C8orf34: variants seen among roughly 807,000 people sequenced by gnomAD.
C8orf34 encodes uncharacterized protein C8orf34.
C8orf34 carries 65 observed loss-of-function variants against 68.3 expected under a neutral mutation model. The ratio of observed to expected loss-of-function variants is 0.95; its 90% CI spans 0.78 to 1.17. The LOEUF (loss-of-function observed/expected upper bound fraction) is 1.17. Ranked by LOEUF, C8orf34 falls within the 50% of genes most tolerant of loss-of-function variation. C8orf34 has a pLI of 0.00. For missense variants in C8orf34, 664 were observed against 655.4 expected (o/e 1.01, Z -0.14); for synonymous variants, 244 against 241.2 (o/e 1.01, Z -0.11).
chr8:68,417,820 A>G (rs1453592987), intron 1 of C8orf34, among the ~76,000 whole-genome samples: 6 of 152,108 alleles, frequency 3.9e-5, no homozygotes, highest in East Asian at 1.9e-4. Context: ...GTTTTTTCCA[A>G]TTCTGTGAAG....
intron 7 of C8orf34, among the ~76,000 whole-genome samples, chr8:68,540,157 C>T (rs114916294): frequency 2.4e-3 from 360 of 151,528 alleles, no homozygotes; most frequent in African/African-American, 7.7e-3. Flanking sequence ...TGCTCTGAAA[C>T]TATTAAATAG....
At chr8:68,640,318 TTCTCCTTAA>T in intron 7 of C8orf34, 49 bp from the exon 8 acceptor site, 1 of 1,531,612 alleles carries the variant, frequency 6.5e-7, no homozygotes, top group African/African-American at 1.4e-5. Flanking sequence ...ATATGAATTT[TTCTCCTTAA>T]TTCCACTAGA....
intron 10 of C8orf34, among the ~76,000 whole-genome samples, chr8:68,769,517 T>G (rs1823279772): frequency 6.6e-6 from 1 of 152,120 alleles, no homozygotes; most frequent in Admixed American, 6.6e-5. Flanking sequence ...TTCATGTGTA[T>G]TTTTCTCAGC....
intron 7 of C8orf34, among the ~76,000 whole-genome samples, chr8:68,583,682 C>G (rs1325346822): frequency 6.6e-6 from 1 of 152,076 alleles, no homozygotes; most frequent in Non-Finnish European, 1.5e-5. Flanking sequence ...CTCATGTCAT[C>G]AACAGCTGTG....
rs551397587 is a variant in C8orf34, at chr8:68,536,227, TTA to T, written c.1105+3082_1105+3083del. On this transcript the variant is annotated intron_variant, in intron 7 of 13. Coordinates refer to ENST00000518698, the MANE Select transcript of C8orf34 (RefSeq NM_052958.4). ...GAAACCTCGTCTCTACAAAAAATAC[TTA>T]TATTAGTCAAGTGTGGTTGCATGCA... Among the ~76,000 whole-genome samples the T allele has an allele frequency of 2.0e-3, 309 of 150,740 alleles. 2 individuals are homozygous for T. Among genetic ancestry groups the T allele is most frequent in the Non-Finnish European group, 3.5e-3 (235 of 67,608 alleles).
At chr8:68,587,027 CCT>C (rs778802849) in intron 7 of C8orf34, among the ~76,000 whole-genome samples, 1 of 151,980 alleles carries the variant, frequency 6.6e-6, no homozygotes, top group Non-Finnish European at 1.5e-5. Flanking sequence ...GTTTACAGCC[CCT>C]GTTTTAGGGG....
chr8:68,450,576 A>G (rs1259937992), intron 3 of C8orf34, among the ~76,000 whole-genome samples: 1 of 152,150 alleles, frequency 6.6e-6, no homozygotes, highest in Non-Finnish European at 1.5e-5. Flanking sequence ...GTTAACAGAC[A>G]CGAAAATATT....
At chr8:68,601,748 CTT>C (rs34856827) in intron 7 of C8orf34, among the ~76,000 whole-genome samples, 65,327 of 151,692 alleles carry the variant, frequency 0.43, 14,591 homozygotes, top group Non-Finnish European at 0.49. Flanking sequence ...TCTTGGGTGT[CTT>C]TTCTCATTCA....
At chr8:68,677,381 C>G (rs1421276705) in intron 8 of C8orf34, among the ~76,000 whole-genome samples, 1 of 151,478 alleles carries the variant, frequency 6.6e-6, no homozygotes, top group African/African-American at 2.4e-5. Flanking sequence ...TTTTTTAAGA[C>G]AGGGTCTCAC....
intron 7 of C8orf34, among the ~76,000 whole-genome samples, chr8:68,615,080 GCT>G (rs1454377616): frequency 1.4e-5 from 2 of 147,198 alleles, no homozygotes; most frequent in Non-Finnish European, 3.0e-5. Flanking sequence ...TCATGATTTG[GCT>G]CTCTGTTTGT....
chr8:68,586,678 T>C (rs1458640974), intron 7 of C8orf34, among the ~76,000 whole-genome samples: 1 of 152,128 alleles, frequency 6.6e-6, no homozygotes, highest in Non-Finnish European at 1.5e-5. Context: ...AGCACCAATG[T>C]TGGTTTGTAA....
rs1157140401 is a variant in C8orf34 at position 68,753,747 on chromosome 8, A to G, written c.1405-22652A>G. ...GCCCTGTCCTACAAATTATGTTTTG[A>G]AAACCGTTTTTCATTGAGGAATGTG... On this transcript the variant is annotated intron_variant, in intron 10 of 13. Transcript: ENST00000518698. Among the ~76,000 whole-genome samples, 3 of 152,232 alleles carry G rather than the reference A, an allele frequency of 2.0e-5. No homozygotes were observed. The East Asian group carries it at 5.8e-4, about 29-fold the overall frequency.
chr8:68,795,467 G>A (rs1044172713), intron 12 of C8orf34, among the ~76,000 whole-genome samples: 8 of 152,054 alleles, frequency 5.3e-5, no homozygotes, highest in Non-Finnish European at 1.0e-4. Flanking sequence ...TTCTCCTAGG[G>A]TTTGTTATTG....
chr8:68,360,272 A>G (rs1235452881), intron 1 of C8orf34, among the ~76,000 whole-genome samples: 1 of 152,066 alleles, frequency 6.6e-6, no homozygotes, highest in Admixed American at 6.5e-5. Flanking sequence ...AATGGTCCCA[A>G]CCCCATTCAT....
At chr8:68,744,142 T>C (rs1017508063) in intron 10 of C8orf34, among the ~76,000 whole-genome samples, 1 of 152,048 alleles carries the variant, frequency 6.6e-6, no homozygotes, top group Non-Finnish European at 1.5e-5. Context: ...CTCACACGGC[T>C]GGGTACTCCA....
At chr8:68,663,923 C>A (rs1194074385) in intron 8 of C8orf34, among the ~76,000 whole-genome samples, 1 of 152,100 alleles carries the variant, frequency 6.6e-6, no homozygotes, top group Non-Finnish European at 1.5e-5. Flanking sequence ...TTTTACTCAG[C>A]CCACAAATTG....
At chr8:68,642,626 A>C (rs1819045817) in intron 8 of C8orf34, among the ~76,000 whole-genome samples, 1 of 152,196 alleles carries the variant, frequency 6.6e-6, no homozygotes, top group African/African-American at 2.4e-5. Context: ...TAACACAAAT[A>C]GTGCAAAAGG....
At chr8:68,397,246 C>T (rs1213248758) in intron 1 of C8orf34, among the ~76,000 whole-genome samples, 1 of 151,990 alleles carries the variant, frequency 6.6e-6, no homozygotes, top group African/African-American at 2.4e-5. Flanking sequence ...TCAGGTGATC[C>T]ACCCCTCTCA....
At chr8:68,768,911 A>G (rs1363087417) in intron 10 of C8orf34, among the ~76,000 whole-genome samples, 1 of 151,318 alleles carries the variant, frequency 6.6e-6, no homozygotes, top group African/African-American at 2.4e-5. Context: ...TATCTTAAGT[A>G]TATTACTTCA....
Sources: gnomAD v4.1 joint callset for allele counts (sites outside exome capture counted in the v4.1 genomes callset) on GRCh38, gnomAD v4.1.1 for gene constraint, MANE v1.5 for transcripts, NCBI Gene and HGNC (gene_info 2026-07-23, HGNC 2026-07-21) for gene names.